Variants in CTNNA2 observed in about 807,000 individuals in gnomAD.
The protein encoded by CTNNA2 is catenin alpha-2.
In CTNNA2, 42 loss-of-function variants were observed where a neutral mutation model predicts 101.0. That is an observed-to-expected ratio of 0.42 (90% CI 0.32 to 0.54). The LOEUF (loss-of-function observed/expected upper bound fraction) is 0.54. Ranked by LOEUF, CTNNA2 falls within the 20% of genes least tolerant of loss-of-function variation. The probability of loss-of-function intolerance (pLI) is 0.14; values close to 1 mark genes in which losing one functional copy is unlikely to be tolerated. For missense variants in CTNNA2, 871 were observed against 1,223.1 expected (o/e 0.71, Z 4.29); for synonymous variants, 450 against 456.4 (o/e 0.99, Z 0.18).
intron 9 of CTNNA2, among the ~76,000 whole-genome samples, chr2:80,510,339 C>T (rs1380340253): frequency 1.3e-5 from 2 of 152,170 alleles, no homozygotes; most frequent in African/African-American, 4.8e-5. Flanking sequence ...TTGCTTCAGA[C>T]CTCATCATCT....
At chr2:79,504,098 GAC>G (rs1436283147) in intron 4 of CTNNA2, among the ~76,000 whole-genome samples, 5 of 152,184 alleles carry the variant, frequency 3.3e-5, no homozygotes, top group African/African-American at 1.2e-4. Context: ...ATCAAGTGAG[GAC>G]GATATTAACT....
chr2:79,969,866 T>A (rs1690356766), intron 7 of CTNNA2, among the ~76,000 whole-genome samples: 1 of 152,176 alleles, frequency 6.6e-6, no homozygotes, highest in South Asian at 2.1e-4. Flanking sequence ...TAAGATATAT[T>A]CCATGCCAAA....
At chr2:80,488,938 C>T (rs1293449418) in intron 9 of CTNNA2, among the ~76,000 whole-genome samples, 1 of 152,190 alleles carries the variant, frequency 6.6e-6, no homozygotes, top group Non-Finnish European at 1.5e-5. Context: ...CACACACACA[C>T]ACAGCATGGT....
chr2:79,479,285 T>C (rs955200319), intron 4 of CTNNA2, among the ~76,000 whole-genome samples: 1 of 152,152 alleles, frequency 6.6e-6, no homozygotes, highest in Non-Finnish European at 1.5e-5. Context: ...ATGGGCTGGA[T>C]TTATAGGACA....
intron 2 of CTNNA2, among the ~76,000 whole-genome samples, chr2:79,704,679 A>AT (rs370295158): frequency 1.5e-5 from 2 of 136,998 alleles, no homozygotes; most frequent in Admixed American, 6.8e-5. Flanking sequence ...CGCCTGGCTA[A>AT]TTTTTTTGTA....
At chr2:79,994,702 A>C (rs1166074604) in intron 7 of CTNNA2, among the ~76,000 whole-genome samples, 1 of 152,212 alleles carries the variant, frequency 6.6e-6, no homozygotes, top group African/African-American at 2.4e-5. Flanking sequence ...GCTTTAATGA[A>C]AAATGCAAAA....
chr2:80,623,094 G>C (rs1671312576), intron 18 of CTNNA2, among the ~76,000 whole-genome samples: 1 of 143,028 alleles, frequency 7.0e-6, no homozygotes, highest in Admixed American at 7.0e-5. Context: ...GATTATGTTT[G>C]TTTCAAGAGA....
chr2:79,446,533 T>C (rs1033741018), intron 4 of CTNNA2, among the ~76,000 whole-genome samples: 3 of 152,102 alleles, frequency 2.0e-5, no homozygotes, highest in African/African-American at 7.2e-5. Flanking sequence ...TTACTCATTA[T>C]ACTCAGCCTC....
At chr2:79,374,505 G>A (rs565611844) in intron 4 of CTNNA2, among the ~76,000 whole-genome samples, 29 of 76,022 alleles carry the variant, frequency 3.8e-4, no homozygotes, top group African/African-American at 1.7e-3. Context: ...AGCATCATTA[G>A]AGTAATATAT....
intron 7 of CTNNA2, among the ~76,000 whole-genome samples, chr2:80,144,220 A>G (rs746762895): frequency 3.9e-5 from 6 of 152,144 alleles, no homozygotes; most frequent in Non-Finnish European, 8.8e-5. Context: ...ATCCACATAG[A>G]AAATGAAAAT....
intron 1 of CTNNA2, among the ~76,000 whole-genome samples, chr2:79,546,262 T>C (rs1247971337): frequency 6.6e-6 from 1 of 152,136 alleles, no homozygotes; most frequent in East Asian, 1.9e-4. Context: ...TTTTTCTAGG[T>C]CCTAAGTTAG....
At chr2:80,638,089 C>T (rs561753527) in intron 18 of CTNNA2, among the ~76,000 whole-genome samples, 121 of 152,218 alleles carry the variant, frequency 7.9e-4, no homozygotes, top group African/African-American at 2.9e-3. Flanking sequence ...GATGATATCA[C>T]CTAGGGAGGG....
At chr2:79,676,509 G>A (rs1453923902) in intron 2 of CTNNA2, among the ~76,000 whole-genome samples, 1 of 152,148 alleles carries the variant, frequency 6.6e-6, no homozygotes, top group Non-Finnish European at 1.5e-5. Context: ...TATATCCATA[G>A]CCTGGAGGAA....
chr2:79,581,257 G>C (rs191965936), intron 1 of CTNNA2, among the ~76,000 whole-genome samples: 2 of 152,326 alleles, frequency 1.3e-5, no homozygotes, highest in East Asian at 3.9e-4. Context: ...TGGGCGCAGT[G>C]GCTCTTGCCT....
intron 3 of CTNNA2, among the ~76,000 whole-genome samples, chr2:79,333,237 A>C (rs1022691884): frequency 2.6e-5 from 4 of 152,172 alleles, no homozygotes; most frequent in Admixed American, 6.5e-5. Flanking sequence ...AACAGTGAGG[A>C]GAACTGAAGG....
chr2:79,665,197 T>A (rs920690660), intron 2 of CTNNA2, among the ~76,000 whole-genome samples: 3 of 152,174 alleles, frequency 2.0e-5, no homozygotes, highest in Non-Finnish European at 4.4e-5. Context: ...CCAGCACCCA[T>A]GCATCCTTTT....
chr2:79,809,161 T>G (rs1427678257), intron 3 of CTNNA2, among the ~76,000 whole-genome samples: 1 of 152,210 alleles, frequency 6.6e-6, no homozygotes, highest in African/African-American at 2.4e-5. Flanking sequence ...GGTGGATATG[T>G]GCCACATTTT....
chr2:80,268,642 A>C (rs900776020), intron 7 of CTNNA2, among the ~76,000 whole-genome samples: 1 of 152,176 alleles, frequency 6.6e-6, no homozygotes, highest in Non-Finnish European at 1.5e-5. Flanking sequence ...TATATCCCCC[A>C]AGAATAATCT....
At chr2:79,220,748 A>C (rs1674331705) in intron 2 of CTNNA2, among the ~76,000 whole-genome samples, 4 of 152,296 alleles carry the variant, frequency 2.6e-5, no homozygotes, top group Admixed American at 2.6e-4. Flanking sequence ...CATAGAAATC[A>C]ATAAGTTATA....
Sources: gnomAD v4.1 joint callset for allele counts (sites outside exome capture counted in the v4.1 genomes callset) on GRCh38, gnomAD v4.1.1 for gene constraint, MANE v1.5 for transcripts, NCBI Gene and HGNC (gene_info 2026-07-23, HGNC 2026-07-21) for gene names.